MSH3: variants seen among roughly 807,000 people sequenced by gnomAD.
The protein encoded by MSH3 is mutS homolog 3.
A neutral mutation model predicts 123.3 loss-of-function variants in MSH3; 106 were observed. The observed-to-expected ratio is 0.86, with a 90% CI of 0.73 to 1.01. The LOEUF (loss-of-function observed/expected upper bound fraction) is 1.01, where lower values mean the gene tolerates loss of function less well. Among genes scored for constraint, MSH3 ranks in the 50% least tolerant of loss-of-function variants. MSH3 has a pLI of 0.00. For missense variants in MSH3, 1,459 were observed against 1,347.6 expected (o/e 1.08, Z -1.29); for synonymous variants, 515 against 481.4 (o/e 1.07, Z -0.91).
rs1749443017 is a variant in MSH3 at position 80,661,955 on chromosome 5, G to A, written c.359-3188G>A. Among the ~76,000 whole-genome samples, 3 of 152,142 alleles carry A rather than the reference G, an allele frequency of 2.0e-5. No homozygotes were observed. In the South Asian group the frequency reaches 6.2e-4, roughly 31 times the overall value. ...TTTAGAGTTAGAAAGGGGGTGCATA[G>A]TAGCAGTAGCACACCATTATATCGT... On this transcript the variant is annotated intron_variant, in intron 2 of 23. Coordinates refer to ENST00000265081, the MANE Select transcript of MSH3 (RefSeq NM_002439.5).
chr5:80,678,613 A>C (rs555614069), intron 7 of MSH3, among the ~76,000 whole-genome samples: 40 of 152,268 alleles, frequency 2.6e-4, no homozygotes, highest in Middle Eastern at 3.4e-3. Flanking sequence ...GTTTGGTTCC[A>C]TTTACAGAGG....
intron 10 of MSH3, among the ~76,000 whole-genome samples, chr5:80,730,892 ATATT>A (rs1743397572): frequency 9.5e-6 from 1 of 105,462 alleles, no homozygotes; most frequent in Non-Finnish European, 2.1e-5. Context: ...ATATATATAT[ATATT>A]TTTTTTTTTT....
chr5:80,716,992 A>G (rs1383731421), intron 8 of MSH3, among the ~76,000 whole-genome samples: 1 of 152,130 alleles, frequency 6.6e-6, no homozygotes, highest in Admixed American at 6.5e-5. Context: ...ATTTTACCTA[A>G]CATAATGACC....
chr5:80,718,303 A>G (rs1469137374), intron 8 of MSH3, among the ~76,000 whole-genome samples: 1 of 152,142 alleles, frequency 6.6e-6, no homozygotes, highest in Non-Finnish European at 1.5e-5. Flanking sequence ...ATATTTTTAG[A>G]GACAAAGGTC....
At chr5:80,808,989 G>T (rs1357218416) in intron 19 of MSH3, among the ~76,000 whole-genome samples, 1 of 149,970 alleles carries the variant, frequency 6.7e-6, no homozygotes, top group Non-Finnish European at 1.5e-5. Flanking sequence ...TTTACATTAG[G>T]CCTAAGCCAA....
At chr5:80,789,393 C>CA (rs1463124697) in intron 18 of MSH3, among the ~76,000 whole-genome samples, 4 of 144,072 alleles carry the variant, frequency 2.8e-5, no homozygotes, top group African/African-American at 7.7e-5. Flanking sequence ...TTTCCTGAGA[C>CA]AGAGTCTCAC....
At chr5:80,857,711 T>G (rs1193609711) in intron 21 of MSH3, among the ~76,000 whole-genome samples, 1 of 152,230 alleles carries the variant, frequency 6.6e-6, no homozygotes, top group Non-Finnish European at 1.5e-5. Flanking sequence ...ATTATCCTTT[T>G]ATTTGTCCAC....
At chr5:80,659,091 G>C (rs778037719) in intron 2 of MSH3, among the ~76,000 whole-genome samples, 1 of 152,046 alleles carries the variant, frequency 6.6e-6, no homozygotes, top group Non-Finnish European at 1.5e-5. Flanking sequence ...AAAATTAGCC[G>C]GATGTGGTGG....
At chr5:80,791,229 TTATTC>T (rs1292839265) in intron 18 of MSH3, among the ~76,000 whole-genome samples, 2 of 152,244 alleles carry the variant, frequency 1.3e-5, no homozygotes, top group African/African-American at 4.8e-5. Flanking sequence ...ACTCATTTGA[TTATTC>T]TAATTGGTGT....
intron 3 of MSH3, among the ~76,000 whole-genome samples, chr5:80,666,728 A>G (rs1749583190): frequency 6.6e-6 from 1 of 152,198 alleles, no homozygotes; most frequent in African/African-American, 2.4e-5. Context: ...CCATTATTAC[A>G]GGTGATAAGC....
At chr5:80,725,324 T>G (rs1751627676) in intron 8 of MSH3, 129 bp from the exon 9 acceptor site, 1 of 663,348 alleles carries the variant, frequency 1.5e-6, no homozygotes, top group African/African-American at 1.8e-5. Flanking sequence ...TTCTCTCTCT[T>G]TCTTCAACTT....
rs149387586 is a variant in MSH3 at position 80,817,037 on chromosome 5, G to A, written c.2813+3296G>A. ...ATTTTTGTGTACGTGATTGGGTGTG[G>A]ATGAGATCATCTTGACAGACAGTAT... On this transcript the variant is annotated intron_variant, in intron 20 of 23. Coordinates refer to ENST00000265081, the MANE Select transcript of MSH3 (RefSeq NM_002439.5). Among the ~76,000 whole-genome samples, 719 of 152,298 alleles carry A rather than the reference G, an allele frequency of 4.7e-3. 16 individuals are homozygous for A. Among genetic ancestry groups the A allele is most frequent in the Non-Finnish European group, 3.0e-3 (206 of 68,024 alleles).
intron 12 of MSH3, chr5:80,746,462 C>T (rs1743722478): frequency 4.0e-6 from 2 of 496,142 alleles, no homozygotes; most frequent in Admixed American, 4.2e-5. Flanking sequence ...GTATTGGCAA[C>T]AGTCTTGTGT....
At chr5:80,829,789 C>T (rs2112076920) in intron 20 of MSH3, among the ~76,000 whole-genome samples, 1 of 152,234 alleles carries the variant, frequency 6.6e-6, no homozygotes, top group South Asian at 2.1e-4. Flanking sequence ...TTGTCTGAAA[C>T]AGATTATAGA....
At chr5:80,805,490 C>T (rs375516076) in intron 19 of MSH3, among the ~76,000 whole-genome samples, 46 of 151,662 alleles carry the variant, frequency 3.0e-4, no homozygotes, top group Non-Finnish European at 6.2e-4. Context: ...GAACTTGTAC[C>T]GTAGAACTTT....
intron 10 of MSH3, 45 bp downstream of exon 10, chr5:80,729,010 T>C: frequency 9.2e-7 from 1 of 1,091,620 alleles, no homozygotes; most frequent in South Asian, 1.3e-5. Context: ...GCTTATATTA[T>C]GAACATTTCT....
Position 80,778,840 on chromosome 5 carries a change from A to G in MSH3, c.2435+4A>G, listed in dbSNP as rs765789410. The G allele has an allele frequency of 2.1e-6, 3 of 1,458,702 alleles. No individual in the cohort carries two copies. Among genetic ancestry groups the G allele is most frequent in the Non-Finnish European group, 2.9e-6 (3 of 1,038,386 alleles). 90.4% of individuals were successfully genotyped at this position (1,458,702 alleles called of 1,614,324 possible). ...CTGAATGGCTTGATTTTCTAGAGTG[A>G]GTTTACAATGAAAAAATATAATCTG... On this transcript the variant is annotated splice_donor_region_variant and intron_variant, in intron 17 of 23. Coordinates refer to ENST00000265081, the MANE Select transcript of MSH3 (RefSeq NM_002439.5).
chr5:80,849,430 C>G (rs771889572), intron 20 of MSH3, among the ~76,000 whole-genome samples: 2 of 152,214 alleles, frequency 1.3e-5, no homozygotes, highest in Non-Finnish European at 2.9e-5. Context: ...CTGTACTGCC[C>G]TAGCAGAGGT....
At chr5:80,807,156 A>C (rs1461385168) in intron 19 of MSH3, among the ~76,000 whole-genome samples, 2 of 140,732 alleles carry the variant, frequency 1.4e-5, no homozygotes, top group African/African-American at 2.7e-5. Flanking sequence ...GCACCACTGC[A>C]CTCTAGCCCA....
Sources: gnomAD v4.1 joint callset for allele counts (sites outside exome capture counted in the v4.1 genomes callset) on GRCh38, gnomAD v4.1.1 for gene constraint, MANE v1.5 for transcripts, NCBI Gene and HGNC (gene_info 2026-07-23, HGNC 2026-07-21) for gene names.